MAP1S: variants seen among roughly 807,000 people sequenced by gnomAD.
The protein encoded by MAP1S is microtubule associated protein 1S.
A neutral mutation model predicts 60.9 loss-of-function variants in MAP1S; 27 were observed. The ratio of observed to expected loss-of-function variants is 0.44; its 90% CI spans 0.33 to 0.61. The LOEUF (loss-of-function observed/expected upper bound fraction) is 0.61. MAP1S is among the 20% of genes least tolerant of loss of function. The pLI is 0.03. For missense variants in MAP1S, 1,608 were observed against 1,486.6 expected, an observed-to-expected ratio of 1.08 and a Z score of -1.34; for synonymous variants, 826 against 694.2, an observed-to-expected ratio of 1.19 and a Z score of -2.98.
chr19:17,726,387 G>C lies in MAP1S; in HGVS notation c.1003G>C (p.Gly335Arg). 1.3e-6 allele frequency: 2 copies of C among 1,593,048 alleles called. No individual in the cohort carries two copies. The highest frequency in any genetic ancestry group is 1.7e-6 in the Non-Finnish European group (2 of 1,176,580). Residue 335 changes from glycine (G) to arginine (R), a missense_variant, in exon 5 of 7, where the codon GGG (glycine) becomes CGG (arginine). By Grantham distance (125) the Gly-to-Arg change is moderately radical. Around this residue, in one of 4 missense-constraint regions of MAP1S, gnomAD observed 1,167 missense variants for 961.4 expected, o/e 1.21. Transcript: ENST00000324096. ...GCGCAGGCTCATCTCCCCCAACCTG[G>C]GGGTCGTGTTCTTCAACGCCTGCGA... ...RLRRLISPNLGVVFFNACEAA... is the reference protein window; with the variant it reads ...RLRRLISPNLRVVFFNACEAA...
chr19:17,722,982 T>C lies in MAP1S; in HGVS notation c.221-1144T>C, dbSNP rs1258614622. On this transcript the variant is annotated intron_variant, in intron 2 of 6. Transcript: ENST00000324096. Reference sequence around the variant, plus strand: ...GTCCTGCCTCAGGGGCCTTGGCTGGTGCTGTACCCTGGTCCGGGTTGGCCC... The same window carrying C: ...GTCCTGCCTCAGGGGCCTTGGCTGGCGCTGTACCCTGGTCCGGGTTGGCCC... Among the ~76,000 whole-genome samples the C allele has an allele frequency of 2.0e-5, 3 of 152,074 alleles. No homozygotes were observed. The East Asian group carries it at 5.8e-4, about 29-fold the overall frequency.
chr19:17,726,371 C>T lies in MAP1S; in HGVS notation c.987C>T (p.Leu329=), dbSNP rs1412863697. ...GGSWDDRLRR[L]ISPNLGVVFF... ...CCTGGGACGACAGGCTGCGCAGGCT[C>T]ATCTCCCCCAACCTGGGGGTCGTGT... Residue 329 remains leucine (L), a synonymous_variant, in exon 5 of 7, where the codon CTC becomes CTT. Coordinates refer to ENST00000324096, the MANE Select transcript of MAP1S (RefSeq NM_018174.6). 2 of 1,596,670 alleles carry T rather than the reference C, an allele frequency of 1.3e-6. No homozygotes were observed. The highest frequency in any genetic ancestry group is 1.7e-6 in the Non-Finnish European group (2 of 1,177,560).
Position 17,727,008 on chromosome 19 carries a change from C to T in MAP1S, c.1624C>T (p.Arg542Cys), listed in dbSNP as rs746905425. The T allele has an allele frequency of 7.0e-6, 11 of 1,581,852 alleles. No individual in the cohort carries two copies. Among genetic ancestry groups the T allele is most frequent in the East Asian group, 2.3e-5 (1 of 43,192 alleles). The change falls in exon 5 of 7, where the codon CGC becomes TGC. Residue 542 changes from arginine to cysteine, a missense_variant. This residue lies in a region of MAP1S where 1,167 missense variants were observed against 961.4 expected (regional missense o/e 1.21). Transcript: ENST00000324096. The surrounding 1 kb of genome is among the most constrained non-coding windows in gnomAD (Gnocchi z 4.1). ...CTCCCGGACCCAGCCGCGGGAGGTG[C>T]GCCGGGCAGCCTCTTCTGTGCCCAA... is the stretch of plus-strand genomic sequence containing the variant. ...SVSRTQPREVRRAASSVPNLK... is the reference protein window; with the variant it reads ...SVSRTQPREVCRAASSVPNLK...
chr19:17,727,318 G>A lies in MAP1S; in HGVS notation c.1934G>A (p.Arg645Gln), dbSNP rs767815536. 3 of 1,591,324 alleles carry A rather than the reference G, an allele frequency of 1.9e-6. No homozygotes were observed. The highest frequency in any genetic ancestry group is 1.1e-5 in the South Asian group (1 of 89,498). The stretch of plus-strand genomic sequence containing the variant: ...CGCACACCCTCCCCTGAGTCCCACC[G>A]GAGCCCCGCAGAGGGCAGCGAGCGG... ...RPRTPSPESH[R>Q]SPAEGSERLS... The change falls in exon 5 of 7, where the codon CGG becomes CAG. Residue 645 changes from arginine to glutamine, a missense_variant. Arg to Gln is a conservative substitution (Grantham distance 43). Coordinates refer to ENST00000324096, the MANE Select transcript of MAP1S (RefSeq NM_018174.6). The surrounding 1 kb of genome is among the most constrained non-coding windows in gnomAD (Gnocchi z 4.1).
In MAP1S at chr19:17,727,460, C is replaced by T. The variant is rs145534127; in HGVS notation, c.2076C>T (p.Thr692=). 1.9e-4 allele frequency: 313 copies of T among 1,606,352 alleles called. No homozygotes were observed. The highest frequency in any genetic ancestry group is 2.5e-4 in the Non-Finnish European group (294 of 1,177,014). Residue 692 remains threonine (T), a synonymous_variant, in exon 5 of 7, where the codon ACC becomes ACT. Transcript: ENST00000324096. This position sits in a 1 kb window ranked among gnomAD's most constrained non-coding sequence, Gnocchi z 4.1. ...LPAEVGSPHS[T]EVDESLSVSF... Reference sequence around the variant, plus strand: ...CAGAGGTGGGCTCCCCGCACTCGACCGAGGTGGACGAGTCCCTGTCGGTGT... The same window carrying T: ...CAGAGGTGGGCTCCCCGCACTCGACTGAGGTGGACGAGTCCCTGTCGGTGT...
At chr19:17,721,129 T>C in intron 2 of MAP1S, 92 bp downstream of exon 2, 1 of 984,500 alleles carries the variant, frequency 1.0e-6, no homozygotes, top group East Asian at 2.4e-5. Flanking sequence ...GATGCAGCTA[T>C]AAATAACAAC....
intron 2 of MAP1S, 44 bp from the exon 3 acceptor site, chr19:17,724,082 G>A (rs199532189): frequency 2.3e-5 from 35 of 1,500,878 alleles, no homozygotes; most frequent in Non-Finnish European, 2.7e-5. Context: ...AGGGTCACAC[G>A]GGGAGGCAGG....
In MAP1S at chr19:17,727,840, C is replaced by G. The variant is rs919193781; in HGVS notation, c.2456C>G (p.Pro819Arg). Residue 819 changes from proline to arginine, a missense_variant, in exon 5 of 7, where the codon CCT (proline) becomes CGT (arginine). By Grantham distance (103) the Pro-to-Arg change is moderately radical (BLOSUM62 -2). Transcript: ENST00000324096. The surrounding 1 kb of genome is among the most constrained non-coding windows in gnomAD (Gnocchi z 4.1). ...GAAGACACAGAGGGCTTTGGAGTCC[C>G]TCGCCACGACCCTTTGCCTGACCCC... ...SDEDTEGFGV[P>R]RHDPLPDPLK... 3.1e-6 allele frequency: 5 copies of G among 1,613,590 alleles called. No individual in the cohort carries two copies. Among genetic ancestry groups the G allele is most frequent in the Middle Eastern group, 1.7e-4 (1 of 6,060 alleles).
At position 17,727,378 on chromosome 19, in the gene MAP1S, G is replaced by C. The variant is rs1364938304; in HGVS notation, c.1994G>C (p.Gly665Ala). ...SLSPLRGGEA[G>A]PDASPTVTTP... ...AGCCCACTGCGGGGCGGGGAGGCCG[G>C]GCCAGACGCCTCACCCACAGTGACC... The change falls in exon 5 of 7, where the codon GGG becomes GCG. Residue 665 changes from glycine (G) to alanine (A), a missense_variant. Physicochemically the swap from Gly to Ala is moderately conservative, Grantham distance 60 (BLOSUM62 0). Around this residue, in one of 4 missense-constraint regions of MAP1S, gnomAD observed 1,167 missense variants for 961.4 expected, o/e 1.21. Coordinates refer to ENST00000324096, the MANE Select transcript of MAP1S (RefSeq NM_018174.6). The surrounding 1 kb of genome is among the most constrained non-coding windows in gnomAD (Gnocchi z 4.1). The C allele has an allele frequency of 6.3e-7, 1 of 1,591,036 alleles. No homozygotes were observed. Among genetic ancestry groups the C allele is most frequent in the South Asian group, 1.1e-5 (1 of 89,152 alleles).
rs149369889 is a variant in MAP1S at position 17,727,966 on chromosome 19, G to T, written c.2582G>T (p.Arg861Leu). Residue 861 changes from arginine to leucine, a missense_variant, in exon 5 of 7, where the codon CGC (arginine) becomes CTC (leucine). By Grantham distance (102) the Arg-to-Leu change is moderately radical. Transcript: ENST00000324096. This position sits in a 1 kb window ranked among gnomAD's most constrained non-coding sequence, Gnocchi z 4.1. ...GCACGGCAAACGGAGAACGTCAGCC[G>T]CACCCGGAAGCCCCTGGCCCGCCCC... Reference protein sequence around the residue: ...KTARQTENVSRTRKPLARPNS... With the variant: ...KTARQTENVSLTRKPLARPNS... 7 of 1,606,800 alleles carry T rather than the reference G, an allele frequency of 4.4e-6. No homozygotes were observed. Among genetic ancestry groups the T allele is most frequent in the Non-Finnish European group, 5.9e-6 (7 of 1,176,730 alleles).
chr19:17,726,035 TCTGGAGCCACCGTCCCCCTTCGAGCTG>T lies in MAP1S; in HGVS notation c.660_686del (p.Ser222_Pro230del). 1 of 1,613,210 alleles carries T rather than the reference TCTGGAGCCACCGTCCCCCTTCGAGCTG, an allele frequency of 6.2e-7. No homozygotes were observed. Among genetic ancestry groups the T allele is most frequent in the South Asian group, 1.1e-5 (1 of 91,002 alleles). On this transcript the variant is annotated inframe_deletion, in exon 5 of 7. Transcript: ENST00000324096. ...AATTCCTGGAGTACGTGGCTGAGTC[TCTGGAGCCACCGTCCCCCTTCGAGCTG>T]CTGGAGCCCCCGACCTCCGGGGGCT...
At position 17,734,202 on chromosome 19, in the gene MAP1S, G is replaced by T; in HGVS notation, c.3025-71G>T. On this transcript the variant is annotated intron_variant, in intron 6 of 6. Transcript: ENST00000324096. The stretch of plus-strand genomic sequence containing the variant: ...AGGAAAGGAAGGCGACTTGGGCCCA[G>T]GCCAGAAGGGCAGGGGGCACCCCCC... 3 of 1,380,022 alleles carry T rather than the reference G, an allele frequency of 2.2e-6. No homozygotes were observed. In the South Asian group the frequency reaches 3.8e-5, roughly 18 times the overall value. 85.5% of individuals were successfully genotyped at this position (1,380,022 alleles called of 1,614,324 possible).
In MAP1S at chr19:17,725,610, TAAA is replaced by T. The variant is rs2080410255; in HGVS notation, c.445-218_445-216del. Among the ~76,000 whole-genome samples the T allele has an allele frequency of 6.6e-6, 1 of 151,974 alleles. No individual in the cohort carries two copies. Among genetic ancestry groups the T allele is most frequent in the African/African-American group, 2.4e-5 (1 of 41,362 alleles). On this transcript the variant is annotated intron_variant, in intron 4 of 6. Transcript: ENST00000324096. This position sits in a 1 kb window ranked among gnomAD's most constrained non-coding sequence, Gnocchi z 4.2. ...CCCTGGGAGGAGAGAATGGTGAGTGTAAAGGCCCTGGGGCAGGGAGGCATTTGA... is the reference window on the plus strand; with the variant it reads ...CCCTGGGAGGAGAGAATGGTGAGTGTGGCCCTGGGGCAGGGAGGCATTTGA...
At position 17,727,583 on chromosome 19, in the gene MAP1S, C is replaced by G. The variant is rs376601274; in HGVS notation, c.2199C>G (p.His733Gln). The G allele has an allele frequency of 1.2e-6, 2 of 1,607,246 alleles. No individual in the cohort carries two copies. Among genetic ancestry groups the G allele is most frequent in the Admixed American group, 1.7e-5 (1 of 59,984 alleles). ...GPRARRSASPHDVDLCLVSPC... is the reference protein window; with the variant it reads ...GPRARRSASPQDVDLCLVSPC... ...GGGCGCGGCGCTCGGCTTCCCCACA[C>G]GATGTGGACCTGTGCCTGGTGTCAC... The change falls in exon 5 of 7, where the codon CAC becomes CAG. Residue 733 changes from histidine (H) to glutamine (Q), a missense_variant. Coordinates refer to ENST00000324096, the MANE Select transcript of MAP1S (RefSeq NM_018174.6). The surrounding 1 kb of genome is among the most constrained non-coding windows in gnomAD (Gnocchi z 4.1).
At position 17,726,431 on chromosome 19, in the gene MAP1S, G is replaced by A. The variant is rs760557907; in HGVS notation, c.1047G>A (p.Ala349=). The part of the protein sequence containing the change: ...FNACEAASRL[A]RGEDEAELAL... The stretch of plus-strand genomic sequence containing the variant: ...CCTGCGAGGCCGCGTCGCGGCTGGC[G>A]CGCGGCGAGGATGAGGCGGAGCTGG... Residue 349 remains alanine, a synonymous_variant, in exon 5 of 7, where the codon GCG becomes GCA. Transcript: ENST00000324096. 8 of 1,561,746 alleles carry A rather than the reference G, an allele frequency of 5.1e-6. No individual in the cohort carries two copies. The highest frequency in any genetic ancestry group is 5.2e-6 in the Non-Finnish European group (6 of 1,161,068).
At position 17,725,371 on chromosome 19, in the gene MAP1S, G is replaced by T. The variant is rs1325572383; in HGVS notation, c.444+182G>T. 1.3e-5 allele frequency among the ~76,000 whole-genome samples: 2 copies of T among 152,186 alleles called. No homozygotes were observed. Among genetic ancestry groups the T allele is most frequent in the Non-Finnish European group, 2.9e-5 (2 of 68,050 alleles). On this transcript the variant is annotated intron_variant, in intron 4 of 6. Coordinates refer to ENST00000324096, the MANE Select transcript of MAP1S (RefSeq NM_018174.6). This position sits in a 1 kb window ranked among gnomAD's most constrained non-coding sequence, Gnocchi z 4.2. ...GGTCAGTCCCATTGCCCGCGAAAGG[G>T]TGTGGTGTGAGCTGAGTTTGTAGGT... is the stretch of plus-strand genomic sequence containing the variant.
In MAP1S at chr19:17,727,533, C is replaced by G. The variant is rs771204089; in HGVS notation, c.2149C>G (p.Leu717Val). ...PPSAPTSEAG[L>V]SLPLRGPRAR... Reference sequence around the variant, plus strand: ...ATCCGCCCCCACCAGTGAGGCTGGGCTGAGCCTCCCGCTGCGTGGCCCCCG... The same window carrying G: ...ATCCGCCCCCACCAGTGAGGCTGGGGTGAGCCTCCCGCTGCGTGGCCCCCG... The change falls in exon 5 of 7, where the codon CTG (leucine) becomes GTG (valine). Residue 717 changes from leucine (L) to valine (V), a missense_variant. Physicochemically the swap from Leu to Val is conservative, Grantham distance 32 (BLOSUM62 1). Transcript: ENST00000324096. This position sits in a 1 kb window ranked among gnomAD's most constrained non-coding sequence, Gnocchi z 4.1. The G allele has an allele frequency of 8.1e-6, 13 of 1,609,946 alleles. No homozygotes were observed. The highest frequency in any genetic ancestry group is 1.1e-5 in the Non-Finnish European group (13 of 1,179,492).
rs1458602500 is a variant in MAP1S at position 17,726,473 on chromosome 19, G to T, written c.1089G>T (p.Ala363=). Residue 363 remains alanine (A), a synonymous_variant, in exon 5 of 7, where the codon GCG becomes GCT. Coordinates refer to ENST00000324096, the MANE Select transcript of MAP1S (RefSeq NM_018174.6). ...CGGAGCTGGCGCTGAGCCTCCTGGC[G>T]CAGCTGGGCATCACGCCTCTGCCAC... is the stretch of plus-strand genomic sequence containing the variant. ...DEAELALSLL[A]QLGITPLPLS... 1 of 1,549,434 alleles carries T rather than the reference G, an allele frequency of 6.5e-7. No individual in the cohort carries two copies. The highest frequency in any genetic ancestry group is 8.7e-7 in the Non-Finnish European group (1 of 1,152,616).
chr19:17,731,822 C>T (rs913179063), intron 5 of MAP1S, among the ~76,000 whole-genome samples: 2 of 152,194 alleles, frequency 1.3e-5, no homozygotes, highest in Admixed American at 6.5e-5. Context: ...CCTGCCACCA[C>T]GCCCAGCTAA....
Sources: gnomAD v4.1 joint callset for allele counts (sites outside exome capture counted in the v4.1 genomes callset) on GRCh38, gnomAD v4.1.1 for gene constraint, gnomAD v4.1.1 regional missense constraint, Gnocchi (gnomAD v3.1) non-coding constraint, MANE v1.5 for transcripts, NCBI Gene and HGNC (gene_info 2026-07-23, HGNC 2026-07-21) for gene names.